The following C9 variants were observed in gnomAD, a reference collection of about 807,000 sequenced individuals.
The protein encoded by C9 is complement component C9.
C9 carries 63 observed loss-of-function variants against 65.4 expected under a neutral mutation model. The ratio of observed to expected loss-of-function variants is 0.96; its 90% CI spans 0.79 to 1.19. The LOEUF (loss-of-function observed/expected upper bound fraction) is 1.19, where lower values mean the gene tolerates loss of function less well. Ranked by LOEUF, C9 falls within the 50% of genes most tolerant of loss-of-function variation. The probability of loss-of-function intolerance (pLI) is 0.00; values close to 1 mark genes in which losing one functional copy is unlikely to be tolerated. For missense variants in C9, 744 were observed against 670.1 expected, an observed-to-expected ratio of 1.11 and a Z score of -1.22; for synonymous variants, 229 against 227.9, an observed-to-expected ratio of 1.00 and a Z score of -0.04.
At chr5:39,339,323 G>A (rs1309076206) in intron 4 of C9, among the ~76,000 whole-genome samples, 1 of 152,212 alleles carries the variant, frequency 6.6e-6, no homozygotes, top group Admixed American at 6.5e-5. Context: ...TAAAGTGCAT[G>A]AAGGGCACGT....
At chr5:39,313,477 A>G (rs544782531) in intron 6 of C9, among the ~76,000 whole-genome samples, 4 of 152,230 alleles carry the variant, frequency 2.6e-5, no homozygotes, top group Admixed American at 6.5e-5. Flanking sequence ...CTTGTCTTCT[A>G]GGCCAGTGCT....
chr5:39,313,255 T>C (rs1171380254), intron 6 of C9, among the ~76,000 whole-genome samples: 1 of 152,176 alleles, frequency 6.6e-6, no homozygotes, highest in East Asian at 1.9e-4. Context: ...TTTTGAATTC[T>C]CCCCTTCCCT....
At chr5:39,319,856 T>A (rs1337875561) in intron 5 of C9, among the ~76,000 whole-genome samples, 1 of 152,050 alleles carries the variant, frequency 6.6e-6, no homozygotes, top group East Asian at 1.9e-4. Context: ...TTGACCTCTA[T>A]GGATACAGGC....
intron 6 of C9, among the ~76,000 whole-genome samples, chr5:39,311,650 ATT>A (rs1753487341): frequency 6.6e-6 from 1 of 152,150 alleles, no homozygotes; most frequent in African/African-American, 2.4e-5. Context: ...TTAAGCACAC[ATT>A]TGCTTATGAC....
At chr5:39,346,647 G>C (rs895445879) in intron 1 of C9, among the ~76,000 whole-genome samples, 1 of 152,190 alleles carries the variant, frequency 6.6e-6, no homozygotes, top group African/African-American at 2.4e-5. Flanking sequence ...TAGAAAAAGA[G>C]GGAATCCTCC....
chr5:39,333,872 C>T lies in C9; in HGVS notation c.477-2058G>A, dbSNP rs553835442. Among the ~76,000 whole-genome samples, 11 of 152,286 alleles carry T rather than the reference C, an allele frequency of 7.2e-5. No homozygotes were observed. In the East Asian group the frequency reaches 1.7e-3, roughly 24 times the overall value. ...CGAGTGATCCGCCAGCCTTGGCCTC[C>T]TGAGTTGCCGGGATTGCAGACAGAG... On this transcript the variant is annotated intron_variant, in intron 4 of 10. Coordinates refer to ENST00000263408, the MANE Select transcript of C9 (RefSeq NM_001737.5).
rs1037027552 is a variant in C9, at chr5:39,305,976, C to T, written c.1416+641G>A. ...AGGAGTTTGAGACCAGCCTGGCCAA[C>T]ATGGCGAAACCCTGTCTCTACTAAA... On this transcript the variant is annotated intron_variant, in intron 9 of 10. Transcript: ENST00000263408. Among the ~76,000 whole-genome samples the T allele has an allele frequency of 2.6e-5, 4 of 152,126 alleles. No homozygotes were observed. The South Asian group carries it at 8.3e-4, about 32-fold the overall frequency.
chr5:39,362,641 C>G (rs557339748), intron 1 of C9, among the ~76,000 whole-genome samples: 1 of 152,262 alleles, frequency 6.6e-6, no homozygotes, highest in East Asian at 1.9e-4. Flanking sequence ...ACAGAGAGGC[C>G]AAGCAACCCG....
At chr5:39,326,638 T>C (rs983006834) in intron 5 of C9, among the ~76,000 whole-genome samples, 1 of 152,220 alleles carries the variant, frequency 6.6e-6, no homozygotes, top group South Asian at 2.1e-4. Flanking sequence ...ACTTCAACCC[T>C]GAATGCATGA....
intron 4 of C9, among the ~76,000 whole-genome samples, chr5:39,340,445 T>C (rs985290129): frequency 3.9e-5 from 6 of 152,042 alleles, no homozygotes; most frequent in Non-Finnish European, 1.5e-5. Context: ...ATTCCTAGGA[T>C]GCCCTCTGAC....
At chr5:39,338,284 A>G (rs1754007218) in intron 4 of C9, among the ~76,000 whole-genome samples, 1 of 152,066 alleles carries the variant, frequency 6.6e-6, no homozygotes, top group Non-Finnish European at 1.5e-5. Context: ...TTTTGTAGTG[A>G]TGTGAGGGAA....
chr5:39,345,889 T>C (rs1272391530), intron 1 of C9, among the ~76,000 whole-genome samples: 1 of 152,140 alleles, frequency 6.6e-6, no homozygotes, highest in Non-Finnish European at 1.5e-5. Flanking sequence ...CTCAACTACA[T>C]GGAAACTGAA....
At position 39,308,353 on chromosome 5, in the gene C9, C is replaced by T. The variant is rs1449948524; in HGVS notation, c.1117G>A (p.Glu373Lys). 1.3e-6 allele frequency: 2 copies of T among 1,588,450 alleles called. No individual in the cohort carries two copies. Among genetic ancestry groups the T allele is most frequent in the South Asian group, 2.2e-5 (2 of 90,558 alleles). Residue 373 changes from glutamate to lysine, a missense_variant, in exon 8 of 11, where the codon GAA (glutamate) becomes AAA (lysine). Coordinates refer to ENST00000263408, the MANE Select transcript of C9 (RefSeq NM_001737.5). ...DKASMKRKGV[E>K]LKDIKRCLGY... ...AGGCATCTCTTTATGTCTTTTAGTT[C>T]AACACCTGTTTAATGAATTTATTTG...
chr5:39,340,986 C>A (rs1754066041), intron 4 of C9, 160 bp downstream of exon 4: 2 of 800,292 alleles, frequency 2.5e-6, no homozygotes, highest in South Asian at 1.6e-5. Context: ...GCTTATTTAG[C>A]ACTTCCTTTA....
intron 4 of C9, among the ~76,000 whole-genome samples, chr5:39,333,801 A>G (rs1032743220): frequency 2.7e-5 from 4 of 148,576 alleles, no homozygotes; most frequent in African/African-American, 1.0e-4. Context: ...TTTGGTGGAG[A>G]CGGGGTTTCG....
chr5:39,320,648 G>GA (rs144768281), intron 5 of C9, among the ~76,000 whole-genome samples: 3 of 151,690 alleles, frequency 2.0e-5, no homozygotes, highest in Non-Finnish European at 4.4e-5. Context: ...CCAATGTGGA[G>GA]AAAAAAAAGG....
At chr5:39,362,316 CA>C (rs935295493) in intron 1 of C9, among the ~76,000 whole-genome samples, 1 of 152,120 alleles carries the variant, frequency 6.6e-6, no homozygotes. Flanking sequence ...AAAAAGGGGA[CA>C]TTTTTATAAA....
At chr5:39,331,617 T>C (rs1338471007) in intron 5 of C9, 59 bp downstream of exon 5, 1 of 1,485,074 alleles carries the variant, frequency 6.7e-7, no homozygotes, top group Non-Finnish European at 9.4e-7. Context: ...GTACTAAACT[T>C]ATTTAAGCAA....
At chr5:39,340,564 C>T (rs28508508) in intron 4 of C9, among the ~76,000 whole-genome samples, 4,550 of 152,330 alleles carry the variant, frequency 0.03, 210 homozygotes, top group African/African-American at 0.1. Context: ...TTACAGCCAT[C>T]TGTCCAGAGC....
Sources: gnomAD v4.1 joint callset for allele counts (sites outside exome capture counted in the v4.1 genomes callset) on GRCh38, gnomAD v4.1.1 for gene constraint, MANE v1.5 for transcripts, NCBI Gene and HGNC (gene_info 2026-07-23, HGNC 2026-07-21) for gene names.